ELP3: variants seen among roughly 807,000 people sequenced by gnomAD.
The protein encoded by ELP3 is elongator acetyltransferase complex subunit 3.
A neutral mutation model predicts 74.9 loss-of-function variants in ELP3; 56 were observed. The observed-to-expected ratio is 0.75, with a 90% CI of 0.60 to 0.93. The LOEUF is 0.93. ELP3 is among the 40% of genes least tolerant of loss of function. The pLI is 0.00. For missense variants in ELP3, 573 were observed against 686.5 expected (o/e 0.83, Z 1.85); for synonymous variants, 222 against 239.8 (o/e 0.93, Z 0.68).
At chr8:28,109,907 C>T (rs1811845698) in intron 5 of ELP3, among the ~76,000 whole-genome samples, 2 of 152,124 alleles carry the variant, frequency 1.3e-5, no homozygotes, top group Admixed American at 6.5e-5. Flanking sequence ...TTTCACTTTG[C>T]CTTTTATTTT....
intron 8 of ELP3, among the ~76,000 whole-genome samples, chr8:28,130,128 G>A (rs1812734645): frequency 6.6e-6 from 1 of 152,192 alleles, no homozygotes; most frequent in East Asian, 1.9e-4. Context: ...AAGAAAAGAA[G>A]GAAGTAAGAG....
intron 8 of ELP3, among the ~76,000 whole-genome samples, 185 bp from the exon 9 acceptor site, chr8:28,132,093 A>T (rs1286409279): frequency 6.6e-6 from 1 of 152,196 alleles, no homozygotes; most frequent in Non-Finnish European, 1.5e-5. Flanking sequence ...GTGGGGATGT[A>T]AAAAATGACT....
intron 14 of ELP3, among the ~76,000 whole-genome samples, chr8:28,177,924 G>A (rs1430958112): frequency 3.3e-5 from 5 of 152,034 alleles, no homozygotes; most frequent in East Asian, 1.9e-4. Context: ...ATAATTCCAC[G>A]TTCATTCTTT....
chr8:28,104,111 G>A (rs1409413454), intron 3 of ELP3, among the ~76,000 whole-genome samples: 2 of 152,280 alleles, frequency 1.3e-5, no homozygotes, highest in East Asian at 3.9e-4. Context: ...ATGACATGAT[G>A]TTGAGCATCT....
intron 1 of ELP3, chr8:28,093,632 A>G (rs1811136450): frequency 1.8e-5 from 4 of 219,286 alleles, no homozygotes; most frequent in Non-Finnish European, 2.8e-5. Context: ...AAAAACCTTA[A>G]TTATCCTTGG....
At chr8:28,187,103 C>G (rs1390299917) in intron 14 of ELP3, among the ~76,000 whole-genome samples, 1 of 152,146 alleles carries the variant, frequency 6.6e-6, no homozygotes, top group Admixed American at 6.5e-5. Flanking sequence ...CCAGACTCTT[C>G]CTTTACTCAG....
At chr8:28,140,559 G>C (rs1000114060) in intron 10 of ELP3, among the ~76,000 whole-genome samples, 1 of 152,014 alleles carries the variant, frequency 6.6e-6, no homozygotes, top group Non-Finnish European at 1.5e-5. Context: ...GTCATTCTTG[G>C]GCATGCTTAG....
chr8:28,142,469 G>A (rs1400398004), intron 10 of ELP3, among the ~76,000 whole-genome samples: 9 of 152,308 alleles, frequency 5.9e-5, no homozygotes, highest in Non-Finnish European at 1.0e-4. Flanking sequence ...TTAAGATTTC[G>A]AAGTGACACT....
chr8:28,124,648 G>A (rs991464183), intron 7 of ELP3, among the ~76,000 whole-genome samples: 22 of 152,052 alleles, frequency 1.4e-4, no homozygotes, highest in Admixed American at 1.4e-3. Flanking sequence ...ATGTGTTGCT[G>A]CTGGTTCTTT....
intron 14 of ELP3, among the ~76,000 whole-genome samples, chr8:28,164,599 T>C (rs1012510468): frequency 6.6e-6 from 1 of 152,062 alleles, no homozygotes; most frequent in African/African-American, 2.4e-5. Context: ...TTGCTCTCTA[T>C]AGGGGAAACT....
rs1563245565 is a variant in ELP3 at position 28,099,849 on chromosome 8, C to G, written c.141C>G (p.Ala47=). The G allele has an allele frequency of 6.2e-7, 1 of 1,614,214 alleles. No individual in the cohort carries two copies. Among genetic ancestry groups the G allele is most frequent in the Non-Finnish European group, 8.5e-7 (1 of 1,180,044 alleles). Residue 47 remains alanine, a synonymous_variant, in exon 3 of 15, where the codon GCC becomes GCG. Coordinates refer to ENST00000256398, the MANE Select transcript of ELP3 (RefSeq NM_018091.6). ...DLNKVKTKTA[A]KYGLSAQPRL... is the part of the protein sequence containing the mutation. ...TCAGGGTGAAAACCAAGACAGCTGC[C>G]AAATATGGCCTTTCTGCCCAGCCCC...
chr8:28,136,237 C>G (rs530432674), intron 9 of ELP3, among the ~76,000 whole-genome samples: 1 of 152,316 alleles, frequency 6.6e-6, no homozygotes, highest in East Asian at 1.9e-4. Flanking sequence ...GCTGGGATTA[C>G]AGGTGTGAGC....
chr8:28,158,338 G>A (rs1813922912), intron 11 of ELP3, among the ~76,000 whole-genome samples: 1 of 151,978 alleles, frequency 6.6e-6, no homozygotes, highest in Admixed American at 6.6e-5. Context: ...AAGCACTACT[G>A]TACTACTTCA....
intron 9 of ELP3, among the ~76,000 whole-genome samples, chr8:28,135,185 C>T (rs1812937589): frequency 6.6e-6 from 1 of 152,238 alleles, no homozygotes; most frequent in South Asian, 2.1e-4. Context: ...GCCTCTGCCT[C>T]CCAAAGTGCT....
In ELP3 at chr8:28,186,529, C is replaced by T. The variant is rs548768002; in HGVS notation, c.1568-3120C>T. On this transcript the variant is annotated intron_variant, in intron 14 of 14. Coordinates refer to ENST00000256398, the MANE Select transcript of ELP3 (RefSeq NM_018091.6). Reference sequence around the variant, plus strand: ...CAAAGCAACATCCAAGAAAAGAGACCGTCCCTAAGTCCATTTTCGATTGCT... The same window carrying T: ...CAAAGCAACATCCAAGAAAAGAGACTGTCCCTAAGTCCATTTTCGATTGCT... Among the ~76,000 whole-genome samples the T allele has an allele frequency of 3.9e-4, 60 of 152,224 alleles. 2 individuals are homozygous for T. Among genetic ancestry groups the T allele is most frequent in the African/African-American group, 6.0e-4 (25 of 41,528 alleles).
intron 14 of ELP3, among the ~76,000 whole-genome samples, chr8:28,162,366 C>T (rs1489295651): frequency 6.6e-6 from 1 of 152,156 alleles, no homozygotes; most frequent in African/African-American, 2.4e-5. Context: ...TGCCCAGTTA[C>T]TGTATCTGAG....
At chr8:28,119,628 A>G (rs112835964) in intron 7 of ELP3, among the ~76,000 whole-genome samples, 3 of 83,542 alleles carry the variant, frequency 3.6e-5, no homozygotes, top group African/African-American at 9.0e-5. Flanking sequence ...ATATATATAT[A>G]TGAACACATA....
At chr8:28,178,250 A>C (rs1266260182) in intron 14 of ELP3, among the ~76,000 whole-genome samples, 1 of 152,186 alleles carries the variant, frequency 6.6e-6, no homozygotes, top group Admixed American at 6.5e-5. Context: ...ATTGGGGATT[A>C]AGTTTCAACA....
At chr8:28,105,389 C>G (rs947480244) in intron 3 of ELP3, among the ~76,000 whole-genome samples, 2 of 152,052 alleles carry the variant, frequency 1.3e-5, no homozygotes, top group African/African-American at 4.8e-5. Context: ...GACTCCGTCT[C>G]AAAAAGGAAA....
Sources: gnomAD v4.1 joint callset for allele counts (sites outside exome capture counted in the v4.1 genomes callset) on GRCh38, gnomAD v4.1.1 for gene constraint, MANE v1.5 for transcripts, NCBI Gene and HGNC (gene_info 2026-07-23, HGNC 2026-07-21) for gene names.